GAS7: variants seen among roughly 807,000 people sequenced by gnomAD.
GAS7 encodes growth arrest-specific protein 7.
Under a neutral mutation model 71.1 loss-of-function variants are expected in GAS7, and 28 were observed. That is an observed-to-expected ratio of 0.39 (90% CI 0.29 to 0.54). GAS7 has a LOEUF of 0.54. Among genes scored for constraint, GAS7 ranks in the 20% least tolerant of loss-of-function variants. The pLI is 0.62. For synonymous variants in GAS7, 258 were observed against 245.8 expected (o/e 1.05, Z -0.46); for missense variants, 436 against 627.8 (o/e 0.69, Z 3.27).
chr17:10,031,221 T>C (rs983817178), intron 1 of GAS7, among the ~76,000 whole-genome samples: 3 of 152,136 alleles, frequency 2.0e-5, no homozygotes, highest in Non-Finnish European at 2.9e-5. Context: ...AGTCAATTCA[T>C]TGGGTATGTT....
intron 1 of GAS7, among the ~76,000 whole-genome samples, chr17:10,194,380 T>C (rs1246471141): frequency 6.6e-6 from 1 of 152,230 alleles, no homozygotes; most frequent in African/African-American, 2.4e-5. Context: ...CAGGAATTCC[T>C]GGACCCTATT....
Position 10,178,493 on chromosome 17 carries a change from A to G in GAS7, c.183+19715T>C, listed in dbSNP as rs958410740. Among the ~76,000 whole-genome samples the G allele has an allele frequency of 5.9e-5, 9 of 152,154 alleles. No homozygotes were observed. The East Asian group carries it at 1.7e-3, about 29-fold the overall frequency. On this transcript the variant is annotated intron_variant, in intron 1 of 13. Transcript: ENST00000432992. ...CCCATCTGAAATTCTAAACCCTATC[A>G]GGATCTGACAGCCACGCCCACCACA...
rs2070082559 is a variant in GAS7, at chr17:9,974,055, C to T, written c.386-4293G>A. Among the ~76,000 whole-genome samples the T allele has an allele frequency of 6.6e-6, 1 of 152,194 alleles. No individual in the cohort carries two copies. Among genetic ancestry groups the T allele is most frequent in the Admixed American group, 6.5e-5 (1 of 15,278 alleles). ...CCCCAGTCTTTCCCCACACTTGCAG[C>T]CGCCAGGAACTGTCTAAAGAGGAGA... is the stretch of plus-strand genomic sequence containing the variant. On this transcript the variant is annotated intron_variant, in intron 3 of 13. Coordinates refer to ENST00000432992, the MANE Select transcript of GAS7 (RefSeq NM_201433.2). This position sits in a 1 kb window ranked among gnomAD's most constrained non-coding sequence, Gnocchi z 4.0.
chr17:9,960,202 T>C (rs1384412424), intron 4 of GAS7, among the ~76,000 whole-genome samples: 1 of 151,932 alleles, frequency 6.6e-6, no homozygotes, highest in Non-Finnish European at 1.5e-5. Flanking sequence ...CTTTTTTTTT[T>C]TTTTTAAGAT....
chr17:9,959,122 TCCA>T lies in GAS7; in HGVS notation c.525+77_525+79del. The T allele has an allele frequency of 6.7e-7, 1 of 1,500,154 alleles. No homozygotes were observed. The highest frequency in any genetic ancestry group is 9.0e-7 in the Non-Finnish European group (1 of 1,106,768). 92.9% of individuals were successfully genotyped at this position (1,500,154 alleles called of 1,614,324 possible). A position where few individuals can be genotyped will look rare whatever the true frequency, so the allele number is the denominator to read the frequency against. The stretch of plus-strand genomic sequence containing the variant: ...GTTGGGCATCACTTCTGCTTGGCGG[TCCA>T]CATCGCCATGGCAACAGCCCAGCCA... On this transcript the variant is annotated intron_variant, in intron 5 of 13. Transcript: ENST00000432992. The surrounding 1 kb of genome is among the most constrained non-coding windows in gnomAD (Gnocchi z 5.0).
rs756352154 is a variant in GAS7 at position 9,926,761 on chromosome 17, G to A, written c.894C>T (p.Ser298=). ...AGTTCATCAGGGGCTTCTCCACCTC[G>A]CTGTGAAGCTGTTGGGAGAGTAGAG... ...VHLKFSAKLH[S]EVEKPLMNFR... is the part of the protein sequence containing the mutation. The change falls in exon 10 of 14, where the codon AGC becomes AGT. Residue 298 remains serine (S), a synonymous_variant. Coordinates refer to ENST00000432992, the MANE Select transcript of GAS7 (RefSeq NM_201433.2). This position sits in a 1 kb window ranked among gnomAD's most constrained non-coding sequence, Gnocchi z 5.0. 1.6e-5 allele frequency: 26 copies of A among 1,613,914 alleles called. No homozygotes were observed. The highest frequency in any genetic ancestry group is 3.3e-5 in the South Asian group (3 of 91,082).
At position 10,026,264 on chromosome 17, in the gene GAS7, A is replaced by C; in HGVS notation, c.184-6367T>G. 1 of 985,232 alleles carries C rather than the reference A, an allele frequency of 1.0e-6. No homozygotes were observed. Among genetic ancestry groups the C allele is most frequent in the Non-Finnish European group, 1.2e-6 (1 of 829,884 alleles). The allele number at this position is 985,232 out of a possible 1,614,324, so 61.0% of individuals were successfully genotyped here. On this transcript the variant is annotated intron_variant, in intron 1 of 13. Transcript: ENST00000432992. The surrounding 1 kb of genome is among the most constrained non-coding windows in gnomAD (Gnocchi z 4.5). ...AAGGTCTCCCACTCTGCATCCTCTC[A>C]CACCCCAAACCCAGAAGCAATAGGA...
chr17:10,128,143 G>T (rs1403469022), intron 1 of GAS7, among the ~76,000 whole-genome samples: 1 of 152,192 alleles, frequency 6.6e-6, no homozygotes, highest in Non-Finnish European at 1.5e-5. Flanking sequence ...ATCCTCCCCA[G>T]CCCTCACCAG....
At chr17:9,946,309 T>C (rs936465775) in intron 6 of GAS7, among the ~76,000 whole-genome samples, 2 of 152,222 alleles carry the variant, frequency 1.3e-5, no homozygotes, top group African/African-American at 4.8e-5. Flanking sequence ...TTTTTAAGAA[T>C]GCAGTTCAGT....
intron 2 of GAS7, among the ~76,000 whole-genome samples, chr17:10,018,684 C>T (rs2072137531): frequency 6.6e-6 from 1 of 152,210 alleles, no homozygotes. Flanking sequence ...CAGCTGCCTT[C>T]TTTGTGTCTC....
chr17:10,006,961 A>G (rs1288060887), intron 2 of GAS7, among the ~76,000 whole-genome samples: 1 of 152,210 alleles, frequency 6.6e-6, no homozygotes, highest in East Asian at 1.9e-4. Context: ...ACAATTGTTT[A>G]TGATTATATA....
In GAS7 at chr17:9,916,459, G is replaced by T. The variant is rs2067585034; in HGVS notation, c.*769C>A. ...TGAGACTGGGAAGGGCTGGCAGGGT[G>T]GGGGCAGGGGCCTCCCCGAGGAAGC... On this transcript the variant is annotated 3_prime_UTR_variant, in exon 14 of 14. Coordinates refer to ENST00000432992, the MANE Select transcript of GAS7 (RefSeq NM_201433.2). 8.5e-6 allele frequency: 2 copies of T among 234,106 alleles called. No homozygotes were observed. The highest frequency in any genetic ancestry group is 6.0e-5 in the East Asian group (1 of 16,590). 14.5% of individuals were successfully genotyped at this position (234,106 alleles called of 1,614,324 possible).
At chr17:10,136,504 T>C (rs781196287) in intron 1 of GAS7, among the ~76,000 whole-genome samples, 1 of 152,150 alleles carries the variant, frequency 6.6e-6, no homozygotes, top group Non-Finnish European at 1.5e-5. Context: ...AAAAGCCAAC[T>C]AGCTGTCCCA....
chr17:10,146,781 G>A (rs900068075), intron 1 of GAS7, among the ~76,000 whole-genome samples: 12 of 151,968 alleles, frequency 7.9e-5, no homozygotes, highest in African/African-American at 2.9e-4. Flanking sequence ...TCAAGAGATC[G>A]AGACCATCCT....
chr17:10,162,624 G>A (rs1597828633), intron 1 of GAS7, among the ~76,000 whole-genome samples: 2 of 152,082 alleles, frequency 1.3e-5, no homozygotes, highest in Non-Finnish European at 1.5e-5. Flanking sequence ...TATTAAGTGA[G>A]AAAAAACAGC....
chr17:9,923,196 C>T (rs900877530), intron 11 of GAS7, among the ~76,000 whole-genome samples: 3 of 151,824 alleles, frequency 2.0e-5, no homozygotes, highest in Non-Finnish European at 4.4e-5. Context: ...CGTGAGCCAC[C>T]ACGGCCGGCC....
chr17:10,108,453 G>A (rs1423801690), intron 1 of GAS7, among the ~76,000 whole-genome samples: 2 of 152,228 alleles, frequency 1.3e-5, no homozygotes, highest in Non-Finnish European at 2.9e-5. Flanking sequence ...TTGCTGTCAA[G>A]TGTGTCTACC....
rs374394518 is a variant in GAS7 at position 9,917,205 on chromosome 17, C to G, written c.*23G>C. ...GCCCAGCCCCCCTCCCCAGCAGGAC[C>G]CCCCGAAGCTGCACAGGCCCATCTA... On this transcript the variant is annotated 3_prime_UTR_variant, in exon 14 of 14. Coordinates refer to ENST00000432992, the MANE Select transcript of GAS7 (RefSeq NM_201433.2). 6.5e-6 allele frequency: 9 copies of G among 1,379,234 alleles called. No homozygotes were observed. Among genetic ancestry groups the G allele is most frequent in the South Asian group, 1.2e-5 (1 of 86,602 alleles). The allele number at this position is 1,379,234 out of a possible 1,614,324, so 85.4% of individuals were successfully genotyped here. A position where few individuals can be genotyped will look rare whatever the true frequency, so the allele number is the denominator to read the frequency against.
At chr17:9,917,528 T>C (rs998882798) in intron 13 of GAS7, among the ~76,000 whole-genome samples, 187 bp from the exon 14 acceptor site, 1 of 152,162 alleles carries the variant, frequency 6.6e-6, no homozygotes, top group East Asian at 1.9e-4. Context: ...GAACCCAGTA[T>C]GCATCCCGAC....
Sources: gnomAD v4.1 joint callset for allele counts (sites outside exome capture counted in the v4.1 genomes callset) on GRCh38, gnomAD v4.1.1 for gene constraint, Gnocchi (gnomAD v3.1) non-coding constraint, MANE v1.5 for transcripts, NCBI Gene and HGNC (gene_info 2026-07-23, HGNC 2026-07-21) for gene names.